Variants in IQSEC1 observed in about 807,000 individuals in gnomAD.
IQSEC1 encodes IQ motif and SEC7 domain-containing protein 1.
In IQSEC1, 31 loss-of-function variants were observed where a neutral mutation model predicts 91.0. The ratio of observed to expected loss-of-function variants is 0.34; its 90% confidence interval spans 0.26 to 0.46. The LOEUF is 0.46. Ranked by LOEUF, IQSEC1 falls within the 20% of genes least tolerant of loss-of-function variation. The pLI is 1.00. For missense variants in IQSEC1, 1,388 were observed against 1,575.6 expected (o/e 0.88, Z 2.02); for synonymous variants, 699 against 662.6 (o/e 1.05, Z -0.84).
chr3:12,905,928 C>T (rs1184421818), intron 12 of IQSEC1, among the ~76,000 whole-genome samples: 1 of 152,192 alleles, frequency 6.6e-6, no homozygotes, highest in East Asian at 1.9e-4. Context: ...GACTCTTGTG[C>T]CGCTGGAATG....
chr3:13,067,322 A>G (rs360868), intron 1 of IQSEC1, among the ~76,000 whole-genome samples: 101,582 of 152,086 alleles, frequency 0.67, 34,168 homozygotes, highest in East Asian at 0.86. Flanking sequence ...GCTCTAAGGT[A>G]AGCCTGGGAG....
chr3:13,266,090 C>T (rs531417424), intron 1 of IQSEC1, among the ~76,000 whole-genome samples: 1 of 152,110 alleles, frequency 6.6e-6, no homozygotes, highest in South Asian at 2.1e-4. Context: ...CCCACACCCC[C>T]GGCACTGGCT....
In IQSEC1 at chr3:12,899,501, C is replaced by A; in HGVS notation, c.*1482G>T. On this transcript the variant is annotated 3_prime_UTR_variant, in exon 14 of 14. Coordinates refer to ENST00000613206, the MANE Select transcript of IQSEC1 (RefSeq NM_001134382.3). ...CGCGTGCAGGTCTGGCCCTGGGGAG[C>A]GCATGGTGTCACCACAACACAGAAG... 6.4e-7 allele frequency: 1 copy of A among 1,566,972 alleles called. No individual in the cohort carries two copies. Among genetic ancestry groups the A allele is most frequent in the Non-Finnish European group, 8.7e-7 (1 of 1,154,322 alleles).
intron 2 of IQSEC1, among the ~76,000 whole-genome samples, chr3:13,088,632 C>T (rs145109848): frequency 2.4e-4 from 36 of 152,292 alleles, no homozygotes; most frequent in Middle Eastern, 6.8e-3. Context: ...GCTCAGTACC[C>T]TCCCGGGGAC....
chr3:13,261,268 G>C (rs7633375), intron 1 of IQSEC1, among the ~76,000 whole-genome samples: 57,850 of 152,046 alleles, frequency 0.38, 14,181 homozygotes, highest in African/African-American at 0.71. Context: ...CTCCCCCAGG[G>C]GCCACACACA....
At chr3:12,920,730 C>T (rs1034685629) in intron 5 of IQSEC1, 134 bp from the exon 6 acceptor site, 19 of 937,376 alleles carry the variant, frequency 2.0e-5, no homozygotes, top group Non-Finnish European at 2.8e-5. Flanking sequence ...ACCTGCCTGT[C>T]GGAGTTGGCC....
intron 1 of IQSEC1, among the ~76,000 whole-genome samples, chr3:13,168,154 A>G (rs1310392342): frequency 2.0e-5 from 3 of 152,212 alleles, no homozygotes; most frequent in African/African-American, 7.2e-5. Context: ...ATGGAAATAA[A>G]TCCCCCTTAG....
Position 12,901,028 on chromosome 3 carries a change from GGGGGGCGGCGGGGCA to G in IQSEC1, c.3285_3299del (p.Ala1096_Pro1100del). Reference sequence around the variant, plus strand: ...CGCTGGGTTTGGCCTTGCTGCTGGTGGGGGGCGGCGGGGCAGGGGGCTGCCCATGGTGGTGCACTG... The same window carrying G: ...CGCTGGGTTTGGCCTTGCTGCTGGTGGGGGGCTGCCCATGGTGGTGCACTG... On this transcript the variant is annotated inframe_deletion, in exon 14 of 14. Transcript: ENST00000613206. 1 of 1,543,904 alleles carries G rather than the reference GGGGGGCGGCGGGGCA, an allele frequency of 6.5e-7. No individual in the cohort carries two copies. The highest frequency in any genetic ancestry group is 1.2e-5 in the South Asian group (1 of 84,054).
At chr3:13,017,314 GA>G in intron 1 of IQSEC1, among the ~76,000 whole-genome samples, 1 of 152,186 alleles carries the variant, frequency 6.6e-6, no homozygotes, top group Non-Finnish European at 1.5e-5. Context: ...CAGGAGGCCT[GA>G]GTGTCCACCT....
chr3:13,139,787 A>G (rs1023786287), intron 2 of IQSEC1, among the ~76,000 whole-genome samples: 1 of 152,210 alleles, frequency 6.6e-6, no homozygotes, highest in African/African-American at 2.4e-5. Context: ...TCTCCTGGAA[A>G]CAAAGCCCCA....
chr3:13,043,997 C>T (rs1430156059), intron 1 of IQSEC1, among the ~76,000 whole-genome samples: 2 of 152,144 alleles, frequency 1.3e-5, no homozygotes, highest in African/African-American at 2.4e-5. Context: ...GACATCCAGG[C>T]GGTCGGATGG....
chr3:13,180,844 C>T (rs1022847688), intron 1 of IQSEC1, among the ~76,000 whole-genome samples: 12 of 152,110 alleles, frequency 7.9e-5, no homozygotes, highest in Non-Finnish European at 1.2e-4. Context: ...GAAGAAACTC[C>T]GAACACATTC....
intron 2 of IQSEC1, among the ~76,000 whole-genome samples, chr3:13,117,569 CAAAA>C (rs34002295): frequency 2.1e-4 from 2 of 9,460 alleles, no homozygotes; most frequent in African/African-American, 4.3e-4. Context: ...GACTCCGTCT[CAAAA>C]AAAAAAAAAA....
intron 13 of IQSEC1, 115 bp downstream of exon 13, chr3:12,902,658 C>CAAAAAAAAAAACAAAAAAAAAAAAAAAA (rs63063761): frequency 1.1e-5 from 3 of 264,626 alleles, no homozygotes; most frequent in South Asian, 2.9e-5. Flanking sequence ...AAAAAAACAA[C>CAAAAAAAAAAACAAAAAAAAAAAAAAAA]AAAAAAAAAA....
At chr3:13,152,608 C>T (rs372483308) in intron 2 of IQSEC1, among the ~76,000 whole-genome samples, 1 of 152,184 alleles carries the variant, frequency 6.6e-6, no homozygotes, top group South Asian at 2.1e-4. Flanking sequence ...TGGTGGCTCA[C>T]GCCTATAATC....
chr3:13,188,055 T>C (rs1385278476), intron 1 of IQSEC1, among the ~76,000 whole-genome samples: 1 of 152,164 alleles, frequency 6.6e-6, no homozygotes, highest in African/African-American at 2.4e-5. Context: ...GGGCCTCCCA[T>C]CTCCAGCCAT....
intron 1 of IQSEC1, among the ~76,000 whole-genome samples, chr3:12,942,329 G>A (rs1418975171): frequency 3.9e-5 from 6 of 152,178 alleles, no homozygotes; most frequent in Non-Finnish European, 7.3e-5. Context: ...AAGGCCGGGC[G>A]CGGTGGCTCA....
chr3:13,147,231 A>T lies in IQSEC1; in HGVS notation c.302+16873T>A, dbSNP rs1706913793. On this transcript the variant is annotated intron_variant, in intron 2 of 15. Transcript: ENST00000648114. The stretch of plus-strand genomic sequence containing the variant: ...TTTTGGTTATGTGGATGAATTGTAT[A>T]GTGGTGAATTCTGAGACTTCAGTGC... 2.0e-5 allele frequency among the ~76,000 whole-genome samples: 3 copies of T among 152,202 alleles called. No homozygotes were observed. In the South Asian group the frequency reaches 6.2e-4, roughly 31 times the overall value.
chr3:12,915,573 G>GT (rs1222104786), intron 7 of IQSEC1, 21 bp downstream of exon 7: 1 of 1,610,894 alleles, frequency 6.2e-7, no homozygotes, highest in African/African-American at 1.3e-5. Flanking sequence ...GGCCCACCAC[G>GT]TACCAGGGCC....
Sources: allele counts gnomAD v4.1 joint callset (sites outside exome capture counted in the v4.1 genomes callset), GRCh38; gene constraint gnomAD v4.1.1; transcripts MANE v1.5; gene names NCBI Gene and HGNC (gene_info 2026-07-23, HGNC 2026-07-21).